Variants in UBR7 observed in about 807,000 individuals in gnomAD.
UBR7 encodes the protein putative E3 ubiquitin-protein ligase UBR7.
In UBR7, 22 loss-of-function variants were observed where a neutral mutation model predicts 57.0. The ratio of observed to expected loss-of-function variants is 0.39; its 90% CI spans 0.28 to 0.55. The LOEUF (loss-of-function observed/expected upper bound fraction) is 0.55, where lower values mean the gene tolerates loss of function less well. Among genes scored for constraint, UBR7 ranks in the 20% least tolerant of loss-of-function variants. The pLI, the probability that UBR7 is intolerant of heterozygous loss-of-function variation, is 0.69. For missense variants in UBR7, 395 were observed against 513.2 expected (o/e 0.77, Z 2.23); for synonymous variants, 167 against 179.8 (o/e 0.93, Z 0.57).
rs1894899361 is a variant in UBR7, at chr14:93,228,068, C to G, written c.*1033C>G. The G allele has an allele frequency of 1.4e-6, 1 of 691,384 alleles. No homozygotes were observed. The highest frequency in any genetic ancestry group is 2.6e-6 in the Non-Finnish European group (1 of 379,570). The allele number at this position is 691,384 out of a possible 1,614,324, so 42.8% of individuals were successfully genotyped here. A position where few individuals can be genotyped will look rare whatever the true frequency, so the allele number is the denominator to read the frequency against. On this transcript the variant is annotated 3_prime_UTR_variant, in exon 11 of 11. Coordinates refer to ENST00000013070, the MANE Select transcript of UBR7 (RefSeq NM_175748.4). Reference sequence around the variant, plus strand: ...TACTTGAAATAAGCAGGGCAGGGAGCCCTGTTTTGGAAGAGACAGACTGTG... The same window carrying G: ...TACTTGAAATAAGCAGGGCAGGGAGGCCTGTTTTGGAAGAGACAGACTGTG...
At position 93,226,929 on chromosome 14, in the gene UBR7, C is replaced by T. The variant is rs1894865675; in HGVS notation, c.1186-14C>T. On this transcript the variant is annotated splice_polypyrimidine_tract_variant and intron_variant, in intron 10 of 10. Coordinates refer to ENST00000013070, the MANE Select transcript of UBR7 (RefSeq NM_175748.4). The stretch of plus-strand genomic sequence containing the variant: ...ACTTAGTTCTCTTTCATAATCTTTG[C>T]TTTTCAAAAACAGGTTGTTAAGAGA... 3 of 1,601,786 alleles carry T rather than the reference C, an allele frequency of 1.9e-6. No homozygotes were observed. The highest frequency in any genetic ancestry group is 2.2e-5 in the South Asian group (2 of 90,616).
At chr14:93,213,838 G>A (rs984860339) in intron 4 of UBR7, among the ~76,000 whole-genome samples, 5 of 152,184 alleles carry the variant, frequency 3.3e-5, no homozygotes, top group Admixed American at 1.3e-4. Context: ...TTCTAATTGC[G>A]TTGGAACTAT....
chr14:93,212,489 A>C (rs1351322871), intron 4 of UBR7, among the ~76,000 whole-genome samples: 1 of 152,196 alleles, frequency 6.6e-6, no homozygotes, highest in Non-Finnish European at 1.5e-5. Flanking sequence ...CATCCTCTTA[A>C]AAACGTCAAT....
At chr14:93,214,880 A>G (rs1262993335) in intron 4 of UBR7, 49 bp from the exon 5 acceptor site, 9 of 1,520,910 alleles carry the variant, frequency 5.9e-6, no homozygotes, top group Non-Finnish European at 8.2e-6. Flanking sequence ...GGTTATTTCC[A>G]TGTTCCCGAA....
chr14:93,216,673 T>C (rs1208828519), intron 6 of UBR7, among the ~76,000 whole-genome samples: 5 of 151,528 alleles, frequency 3.3e-5, no homozygotes, highest in African/African-American at 1.2e-4. Flanking sequence ...TGGAGTACAG[T>C]GGTGCTATCT....
chr14:93,209,979 T>C, intron 2 of UBR7, 22 bp downstream of exon 2: 1 of 1,613,170 alleles, frequency 6.2e-7, no homozygotes, highest in Non-Finnish European at 8.5e-7. Context: ...CAAGAGATTG[T>C]TACTAAATGC....
At position 93,210,719 on chromosome 14, in the gene UBR7, A is replaced by G; in HGVS notation, c.345+11A>G. ...TGCAAATTACTTCCTGTAAGTAAGC[A>G]CTGTAACTATAAATGCATTTAGAGC... On this transcript the variant is annotated intron_variant, in intron 3 of 10. Coordinates refer to ENST00000013070, the MANE Select transcript of UBR7 (RefSeq NM_175748.4). 5 of 1,602,532 alleles carry G rather than the reference A, an allele frequency of 3.1e-6. No homozygotes were observed. Among genetic ancestry groups the G allele is most frequent in the Non-Finnish European group, 4.3e-6 (5 of 1,171,750 alleles).
At chr14:93,215,866 G>T (rs150366321) in intron 6 of UBR7, among the ~76,000 whole-genome samples, 1 of 152,138 alleles carries the variant, frequency 6.6e-6, no homozygotes, top group Admixed American at 6.6e-5. Flanking sequence ...AAGATAAATA[G>T]AACTGAAATA....
At position 93,209,819 on chromosome 14, in the gene UBR7, T is replaced by A; in HGVS notation, c.151-5T>A. 2 of 1,613,642 alleles carry A rather than the reference T, an allele frequency of 1.2e-6. No individual in the cohort carries two copies. The highest frequency in any genetic ancestry group is 1.7e-6 in the Non-Finnish European group (2 of 1,179,724). Reference sequence around the variant, plus strand: ...AATTCTCTTTTCCATTTTGGGGGCTTTCAGGGCTCAGTAAAGAGACAAGCA... The same window carrying A: ...AATTCTCTTTTCCATTTTGGGGGCTATCAGGGCTCAGTAAAGAGACAAGCA... On this transcript the variant is annotated splice_polypyrimidine_tract_variant and splice_region_variant and intron_variant, in intron 1 of 10. Transcript: ENST00000013070.
intron 7 of UBR7, 145 bp from the exon 8 acceptor site, chr14:93,219,066 AG>A: frequency 1.9e-6 from 2 of 1,036,236 alleles, no homozygotes; most frequent in South Asian, 3.1e-5. Flanking sequence ...AAAAAAAAAA[AG>A]AAAACTGAAG....
chr14:93,218,795 C>T (rs764926172), intron 7 of UBR7, 60 bp downstream of exon 7: 1 of 1,548,782 alleles, frequency 6.5e-7, no homozygotes, highest in Non-Finnish European at 8.8e-7. Context: ...GTGGCTCATG[C>T]CCATAATCCC....
intron 6 of UBR7, among the ~76,000 whole-genome samples, chr14:93,217,588 TC>T (rs2140102775): frequency 6.6e-6 from 1 of 152,356 alleles, no homozygotes; most frequent in African/African-American, 2.4e-5. Flanking sequence ...CTTGTATTAT[TC>T]TGTCTCTAAC....
At chr14:93,216,040 G>A (rs1431124637) in intron 6 of UBR7, among the ~76,000 whole-genome samples, 1 of 152,154 alleles carries the variant, frequency 6.6e-6, no homozygotes, top group Non-Finnish European at 1.5e-5. Flanking sequence ...TGCCCGCAGA[G>A]TCAGTGTTTG....
intron 6 of UBR7, among the ~76,000 whole-genome samples, chr14:93,215,670 T>C (rs945075215): frequency 7.6e-5 from 8 of 104,642 alleles, no homozygotes; most frequent in Admixed American, 1.2e-4. Flanking sequence ...GCCTGGGCAA[T>C]AGAACAAGAC....
At chr14:93,221,350 G>A (rs1202827251) in intron 9 of UBR7, among the ~76,000 whole-genome samples, 14 of 152,014 alleles carry the variant, frequency 9.2e-5, no homozygotes. Flanking sequence ...CTGACCTCAG[G>A]TGATCTACCT....
chr14:93,225,463 CAAAA>C (rs59667536), intron 10 of UBR7, among the ~76,000 whole-genome samples: 18 of 110,204 alleles, frequency 1.6e-4, no homozygotes, highest in East Asian at 2.5e-4. Context: ...CCCGCCTCTA[CAAAA>C]AAAAAAAAAA....
Position 93,228,906 on chromosome 14 carries a change from C to T in UBR7, c.*1871C>T. On this transcript the variant is annotated 3_prime_UTR_variant, in exon 11 of 11. Coordinates refer to ENST00000013070, the MANE Select transcript of UBR7 (RefSeq NM_175748.4). ...CAGCACAATAGTACCGATCAGTTAA[C>T]TCAGCGCTGAAGGGCTTGTTTTATG... The T allele has an allele frequency of 2.2e-6, 1 of 454,122 alleles. No individual in the cohort carries two copies. The highest frequency in any genetic ancestry group is 1.6e-5 in the South Asian group (1 of 64,478). The allele number at this position is 454,122 out of a possible 1,614,324, so 28.1% of individuals were successfully genotyped here.
At position 93,228,982 on chromosome 14, in the gene UBR7, G is replaced by C; in HGVS notation, c.*1947G>C. The C allele has an allele frequency of 2.2e-6, 1 of 453,836 alleles. No homozygotes were observed. Among genetic ancestry groups the C allele is most frequent in the Non-Finnish European group, 4.4e-6 (1 of 226,714 alleles). 28.1% of individuals were successfully genotyped at this position (453,836 alleles called of 1,614,324 possible). A position where few individuals can be genotyped will look rare whatever the true frequency, so the allele number is the denominator to read the frequency against. Reference sequence around the variant, plus strand: ...TAACTGGAAACCTCTTTTTTTACCTGTTGTTCACAACTAGTTTTCTTATTG... The same window carrying C: ...TAACTGGAAACCTCTTTTTTTACCTCTTGTTCACAACTAGTTTTCTTATTG... On this transcript the variant is annotated 3_prime_UTR_variant, in exon 11 of 11. Coordinates refer to ENST00000013070, the MANE Select transcript of UBR7 (RefSeq NM_175748.4).
intron 3 of UBR7, among the ~76,000 whole-genome samples, chr14:93,211,170 G>A (rs1894473725): frequency 6.6e-6 from 1 of 151,874 alleles, no homozygotes; most frequent in Non-Finnish European, 1.5e-5. Flanking sequence ...AACCCAGGAG[G>A]CGGAGGTTGC....
Sources: gnomAD v4.1 joint callset for allele counts (sites outside exome capture counted in the v4.1 genomes callset) on GRCh38, gnomAD v4.1.1 for gene constraint, MANE v1.5 for transcripts, NCBI Gene and HGNC (gene_info 2026-07-23, HGNC 2026-07-21) for gene names.